GOLIM4: variants seen among roughly 807,000 people sequenced by gnomAD.
GOLIM4 encodes the protein golgi integral membrane protein 4.
A neutral mutation model predicts 107.4 loss-of-function variants in GOLIM4; 71 were observed. That is an observed-to-expected ratio of 0.66 (90% confidence interval 0.55 to 0.81). The LOEUF is 0.81. Among genes scored for constraint, GOLIM4 ranks in the 30% least tolerant of loss-of-function variants. The probability of loss-of-function intolerance (pLI) is 0.00; values close to 1 mark genes in which losing one functional copy is unlikely to be tolerated. For missense variants in GOLIM4, 830 were observed against 826.1 expected (o/e 1.00, Z -0.06); for synonymous variants, 327 against 294.8 (o/e 1.11, Z -1.12).
chr3:168,038,989 A>G (rs2108240480), intron 7 of GOLIM4, among the ~76,000 whole-genome samples: 1 of 152,294 alleles, frequency 6.6e-6, no homozygotes, highest in South Asian at 2.1e-4. Flanking sequence ...GCAACCTGGA[A>G]GAAGAGGGCC....
chr3:168,017,760 T>C (rs926375583), intron 14 of GOLIM4, among the ~76,000 whole-genome samples: 1 of 152,232 alleles, frequency 6.6e-6, no homozygotes, highest in African/African-American at 2.4e-5. Context: ...CTAAGATATC[T>C]AGAAAATAAA....
Position 168,085,882 on chromosome 3 carries a change from G to A in GOLIM4, c.187+9217C>T, listed in dbSNP as rs75645399. On this transcript the variant is annotated intron_variant, in intron 1 of 15. Transcript: ENST00000470487. ...ATGCCTGTCCTACCACCATATGTTG[G>A]CTGTGTTGAGGGCAGGTAATTTGAC... 7.8e-3 allele frequency among the ~76,000 whole-genome samples: 1,181 copies of A among 152,046 alleles called. 23 individuals are homozygous for A. The highest frequency in any genetic ancestry group is 0.027 in the African/African-American group (1,129 of 41,464).
chr3:168,041,600 T>G, intron 5 of GOLIM4, 126 bp from the exon 6 acceptor site: 2 of 570,572 alleles, frequency 3.5e-6, no homozygotes, highest in Non-Finnish European at 6.1e-6. Context: ...GACAATATAA[T>G]ATTCAAAATC....
intron 14 of GOLIM4, among the ~76,000 whole-genome samples, chr3:168,013,486 CAG>C (rs1288660915): frequency 2.1e-5 from 3 of 142,720 alleles, no homozygotes; most frequent in African/African-American, 9.0e-5. Context: ...ATCAACGAGA[CAG>C]AAAGTCAACA....
At chr3:168,013,460 T>A (rs951439965) in intron 14 of GOLIM4, among the ~76,000 whole-genome samples, 3 of 149,974 alleles carry the variant, frequency 2.0e-5, no homozygotes, top group African/African-American at 7.6e-5. Flanking sequence ...AACACCCCAC[T>A]GTCAACATTA....
At chr3:168,021,226 G>C (rs1318486743) in intron 14 of GOLIM4, among the ~76,000 whole-genome samples, 6 of 152,114 alleles carry the variant, frequency 3.9e-5, no homozygotes, top group Non-Finnish European at 7.4e-5. Context: ...AGATATTATG[G>C]GTGTGCCAGG....
At chr3:168,011,369 C>G (rs1208507760) in intron 14 of GOLIM4, among the ~76,000 whole-genome samples, 1 of 152,236 alleles carries the variant, frequency 6.6e-6, no homozygotes, top group Non-Finnish European at 1.5e-5. Context: ...GAGATTATAT[C>G]CCGCACCTGG....
chr3:168,087,696 A>G (rs989688252), intron 1 of GOLIM4, among the ~76,000 whole-genome samples: 6 of 152,218 alleles, frequency 3.9e-5, no homozygotes, highest in African/African-American at 1.2e-4. Flanking sequence ...TTTGAGGGCA[A>G]TGATGCACTA....
At chr3:168,089,172 G>C (rs759858339) in intron 1 of GOLIM4, among the ~76,000 whole-genome samples, 4 of 152,182 alleles carry the variant, frequency 2.6e-5, no homozygotes, top group Non-Finnish European at 5.9e-5. Flanking sequence ...AAAAATTACT[G>C]AACTTAAGAG....
At chr3:168,024,428 G>A in intron 14 of GOLIM4, 98 bp downstream of exon 14, 1 of 923,468 alleles carries the variant, frequency 1.1e-6, no homozygotes, top group Non-Finnish European at 1.8e-6. Flanking sequence ...GAACATTTCT[G>A]TGGAAGGCAT....
chr3:168,085,338 G>C (rs1350416748), intron 1 of GOLIM4, among the ~76,000 whole-genome samples: 3 of 152,164 alleles, frequency 2.0e-5, no homozygotes, highest in African/African-American at 4.8e-5. Flanking sequence ...ACCTCCTAAG[G>C]GTTCCTCAGA....
intron 1 of GOLIM4, among the ~76,000 whole-genome samples, chr3:168,069,934 T>C (rs1336985698): frequency 6.6e-6 from 1 of 152,224 alleles, no homozygotes; most frequent in Non-Finnish European, 1.5e-5. Context: ...TATAGAAAGA[T>C]GGTGCTACTA....
chr3:168,070,788 GTTAT>G (rs2108277726), intron 1 of GOLIM4, among the ~76,000 whole-genome samples: 2 of 152,242 alleles, frequency 1.3e-5, no homozygotes, highest in South Asian at 4.2e-4. Flanking sequence ...AAAGGGAAAG[GTTAT>G]TTATTCAATG....
intron 1 of GOLIM4, among the ~76,000 whole-genome samples, chr3:168,058,070 T>A (rs1318032046): frequency 6.6e-6 from 1 of 152,228 alleles, no homozygotes; most frequent in East Asian, 1.9e-4. Flanking sequence ...AGTCCTGAAA[T>A]ACGGACACTT....
Position 168,030,050 on chromosome 3 carries a change from G to T in GOLIM4, c.1177-14C>A, listed in dbSNP as rs749082220. Reference sequence around the variant, plus strand: ...TGAAGGGTACACCTAGGGTGAAAAAGAGTTGGTGCAGAGCAAGAGGGGTTA... The same window carrying T: ...TGAAGGGTACACCTAGGGTGAAAAATAGTTGGTGCAGAGCAAGAGGGGTTA... On this transcript the variant is annotated splice_polypyrimidine_tract_variant and intron_variant, in intron 9 of 15. Transcript: ENST00000470487. 17 of 1,612,564 alleles carry T rather than the reference G, an allele frequency of 1.1e-5. No individual in the cohort carries two copies. The highest frequency in any genetic ancestry group is 1.4e-5 in the Non-Finnish European group (16 of 1,178,896).
At chr3:168,056,214 A>G (rs894524996) in intron 1 of GOLIM4, among the ~76,000 whole-genome samples, 3 of 152,246 alleles carry the variant, frequency 2.0e-5, no homozygotes, top group Non-Finnish European at 4.4e-5. Flanking sequence ...CAGAAGGTGC[A>G]AGTCCCAAGC....
chr3:168,050,623 T>G (rs1191074784), intron 1 of GOLIM4, among the ~76,000 whole-genome samples: 1 of 152,042 alleles, frequency 6.6e-6, no homozygotes, highest in Non-Finnish European at 1.5e-5. Flanking sequence ...CTGGCCAAAG[T>G]TCTCACCGTC....
At chr3:168,090,920 A>G (rs1267047867) in intron 1 of GOLIM4, among the ~76,000 whole-genome samples, 2 of 152,232 alleles carry the variant, frequency 1.3e-5, no homozygotes, top group African/African-American at 4.8e-5. Flanking sequence ...ACTCAGAAAA[A>G]GAAAAGTCGA....
intron 1 of GOLIM4, among the ~76,000 whole-genome samples, chr3:168,052,182 T>A (rs1316026497): frequency 1.3e-5 from 2 of 152,144 alleles, no homozygotes; most frequent in African/African-American, 4.8e-5. Context: ...AATGAGTTCA[T>A]ATATATCAAG....
Sources: gnomAD v4.1 joint callset for allele counts (sites outside exome capture counted in the v4.1 genomes callset) on GRCh38, gnomAD v4.1.1 for gene constraint, MANE v1.5 for transcripts, NCBI Gene and HGNC (gene_info 2026-07-23, HGNC 2026-07-21) for gene names.